Variants in DPP10 observed in about 807,000 individuals in gnomAD.
The protein encoded by DPP10 is inactive dipeptidyl peptidase 10.
A neutral mutation model predicts 120.9 loss-of-function variants in DPP10; 33 were observed. The ratio of observed to expected loss-of-function variants is 0.27; its 90% CI spans 0.21 to 0.37. The LOEUF is 0.37. Among genes scored for constraint, DPP10 ranks in the 10% least tolerant of loss-of-function variants. The probability of loss-of-function intolerance (pLI) is 1.00; values close to 1 mark genes in which losing one functional copy is unlikely to be tolerated. For synonymous variants in DPP10, 337 were observed against 326.1 expected, an observed-to-expected ratio of 1.03 and a Z score of -0.36; for missense variants, 816 against 942.8, an observed-to-expected ratio of 0.87 and a Z score of 1.76.
rs537507110 is a variant in DPP10 at position 115,044,734 on chromosome 2, G to A, written c.61-264505G>A. Among the ~76,000 whole-genome samples, 10 of 152,104 alleles carry A rather than the reference G, an allele frequency of 6.6e-5. No individual in the cohort carries two copies. In the South Asian group the frequency reaches 1.5e-3, roughly 22 times the overall value. On this transcript the variant is annotated intron_variant, in intron 1 of 25. Transcript: ENST00000410059. ...TCTATCTAATTATATTTAGGTACTC[G>A]TTAACCATTCTCAGTTTCCCCTGCA...
intron 5 of DPP10, among the ~76,000 whole-genome samples, chr2:115,526,698 T>G (rs1418496834): frequency 6.6e-6 from 1 of 152,136 alleles, no homozygotes; most frequent in East Asian, 1.9e-4. Flanking sequence ...TTATGAGCTT[T>G]AAGACGAACA....
intron 1 of DPP10, among the ~76,000 whole-genome samples, chr2:115,254,685 C>T (rs1387120789): frequency 1.3e-5 from 2 of 152,192 alleles, no homozygotes; most frequent in Non-Finnish European, 2.9e-5. Context: ...GGTAAATACA[C>T]CCATTCCAGA....
At chr2:115,491,337 T>C (rs541220140) in intron 3 of DPP10, among the ~76,000 whole-genome samples, 1 of 151,172 alleles carries the variant, frequency 6.6e-6, no homozygotes, top group Non-Finnish European at 1.5e-5. Flanking sequence ...GGTATAAGAG[T>C]TATAGAGGAA....
chr2:115,806,521 G>A (rs1575837562), intron 19 of DPP10, among the ~76,000 whole-genome samples: 1 of 152,014 alleles, frequency 6.6e-6, no homozygotes, highest in Non-Finnish European at 1.5e-5. Context: ...TGCAGGTAAA[G>A]GATTATATAG....
intron 4 of DPP10, among the ~76,000 whole-genome samples, chr2:115,500,669 G>T (rs1041603484): frequency 1.3e-5 from 2 of 151,916 alleles, no homozygotes; most frequent in Admixed American, 6.6e-5. Flanking sequence ...GAAAAATAAT[G>T]ACATTTTTGG....
intron 3 of DPP10, among the ~76,000 whole-genome samples, chr2:115,490,253 A>G (rs1205702457): frequency 6.6e-6 from 1 of 152,170 alleles, no homozygotes; most frequent in Non-Finnish European, 1.5e-5. Flanking sequence ...GAAACTTACA[A>G]TCATGGCAGA....
In DPP10 at chr2:115,175,407, T is replaced by TG. The variant is rs139133006; in HGVS notation, c.61-133827dup. Among the ~76,000 whole-genome samples the TG allele has an allele frequency of 5.4e-4, 82 of 151,904 alleles. No individual in the cohort carries two copies. In the East Asian group the frequency reaches 0.015, roughly 27 times the overall value. ...GAAGGTCTTATGAATTTAAGAGGGGTGGGGGAACAGGAAGAAATAAACATA... is the reference window on the plus strand; with the variant it reads ...GAAGGTCTTATGAATTTAAGAGGGGTGGGGGGAACAGGAAGAAATAAACATA... On this transcript the variant is annotated intron_variant, in intron 1 of 25. Coordinates refer to ENST00000410059, the MANE Select transcript of DPP10 (RefSeq NM_020868.6).
chr2:115,527,235 T>C lies in DPP10; in HGVS notation c.441+1263T>C, dbSNP rs140424210. 3.8e-3 allele frequency among the ~76,000 whole-genome samples: 579 copies of C among 152,174 alleles called. 3 individuals are homozygous for C. The highest frequency in any genetic ancestry group is 6.8e-3 in the Admixed American group (104 of 15,246). ...AATAGACCCTCACAACTATGCCTAATAGATTGTTGGCAAAGGTGCACAAGC... is the reference window on the plus strand; with the variant it reads ...AATAGACCCTCACAACTATGCCTAACAGATTGTTGGCAAAGGTGCACAAGC... On this transcript the variant is annotated intron_variant, in intron 5 of 25. Transcript: ENST00000410059.
At chr2:114,528,922 G>C (rs1685730591) in intron 1 of DPP10, among the ~76,000 whole-genome samples, 2 of 151,868 alleles carry the variant, frequency 1.3e-5, no homozygotes, top group African/African-American at 4.8e-5. Flanking sequence ...CTAACCACTT[G>C]GGCTTGTCAT....
At chr2:115,683,477 C>T (rs2149480309) in intron 5 of DPP10, among the ~76,000 whole-genome samples, 1 of 151,782 alleles carries the variant, frequency 6.6e-6, no homozygotes, top group East Asian at 1.9e-4. Context: ...AGAGTAAACC[C>T]TAGTGTAAAT....
In DPP10 at chr2:114,621,803, CT is replaced by C. The variant is rs574250529; in HGVS notation, c.60+178967del. On this transcript the variant is annotated intron_variant, in intron 1 of 25. Transcript: ENST00000410059. ...TTAACCATTCCAATATTTATTACCTCTTCTGCTTGTGCCTGCCTCCTTGTGT... is the reference window on the plus strand; with the variant it reads ...TTAACCATTCCAATATTTATTACCTCTCTGCTTGTGCCTGCCTCCTTGTGT... Among the ~76,000 whole-genome samples, 149 of 151,580 alleles carry C rather than the reference CT, an allele frequency of 9.8e-4. 1 individual carries two copies. In the South Asian group the frequency reaches 0.015, roughly 15 times the overall value.
chr2:115,161,736 G>A (rs974475923), intron 1 of DPP10: 13 of 407,554 alleles, frequency 3.2e-5, no homozygotes, highest in Non-Finnish European at 4.3e-6. Context: ...CGGGGAGAGC[G>A]GGGAGTCAGA....
intron 5 of DPP10, among the ~76,000 whole-genome samples, chr2:115,628,132 C>T (rs538518827): frequency 3.9e-5 from 6 of 152,236 alleles, no homozygotes; most frequent in South Asian, 4.1e-4. Context: ...TTTACATTTT[C>T]ACCAACAGTG....
intron 1 of DPP10, among the ~76,000 whole-genome samples, chr2:114,446,774 A>T (rs536854885): frequency 6.6e-6 from 1 of 152,166 alleles, no homozygotes; most frequent in African/African-American, 2.4e-5. Context: ...TTGATGAGTC[A>T]TTGTGCTAAT....
chr2:115,826,175 G>T (rs1464455819), intron 21 of DPP10, among the ~76,000 whole-genome samples: 1 of 152,124 alleles, frequency 6.6e-6, no homozygotes, highest in African/African-American at 2.4e-5. Flanking sequence ...TTTGGGTTTG[G>T]TGACATGGAA....
intron 1 of DPP10, among the ~76,000 whole-genome samples, chr2:114,481,591 G>T (rs557787863): frequency 1.4e-4 from 22 of 151,962 alleles, no homozygotes; most frequent in Non-Finnish European, 2.5e-4. Flanking sequence ...AAATAATTGT[G>T]GTATAAACTT....
intron 3 of DPP10, among the ~76,000 whole-genome samples, chr2:115,402,004 A>C (rs2068106775): frequency 6.6e-6 from 1 of 152,196 alleles, no homozygotes; most frequent in Non-Finnish European, 1.5e-5. Context: ...CCCTATAGAA[A>C]TCCAATAGCA....
chr2:115,017,762 C>G (rs566578908), intron 1 of DPP10, among the ~76,000 whole-genome samples: 1 of 151,684 alleles, frequency 6.6e-6, no homozygotes, highest in Non-Finnish European at 1.5e-5. Flanking sequence ...GGACAAAAAG[C>G]CAAACATCGC....
chr2:115,219,302 T>TGGA (rs776183147), intron 1 of DPP10, among the ~76,000 whole-genome samples: 76 of 152,296 alleles, frequency 5.0e-4, no homozygotes, highest in Middle Eastern at 3.4e-3. Context: ...TGCATTTATT[T>TGGA]CCCTGCTATT....
Sources: allele counts gnomAD v4.1 joint callset (sites outside exome capture counted in the v4.1 genomes callset), GRCh38; gene constraint gnomAD v4.1.1; transcripts MANE v1.5; gene names NCBI Gene and HGNC (gene_info 2026-07-23, HGNC 2026-07-21).